The following ABCB9 variants were observed in gnomAD, a reference collection of about 807,000 sequenced individuals.
ABCB9 encodes ABC-type oligopeptide transporter ABCB9.
A neutral mutation model predicts 62.0 loss-of-function variants in ABCB9; 36 were observed. That is an observed-to-expected ratio of 0.58 (90% CI 0.45 to 0.77). The LOEUF (loss-of-function observed/expected upper bound fraction) is 0.77. Ranked by LOEUF, ABCB9 falls within the 30% of genes least tolerant of loss-of-function variation. The probability of loss-of-function intolerance (pLI) is 0.00; values close to 1 mark genes in which losing one functional copy is unlikely to be tolerated. For missense variants in ABCB9, 943 were observed against 1,054.7 expected (o/e 0.89, Z 1.47); for synonymous variants, 435 against 461.4 (o/e 0.94, Z 0.73).
upstream of ABCB9, among the ~76,000 whole-genome samples, chr12:122,969,690 C>T (rs2037248541): frequency 6.6e-6 from 1 of 151,074 alleles, no homozygotes; most frequent in Non-Finnish European, 1.5e-5. Context: ...TGAGCTGTGT[C>T]CATACCACTG....
rs2037065057 is a variant in ABCB9, at chr12:122,964,359, A to G, written c.-88+1928T>C. On this transcript the variant is annotated intron_variant, in intron 1 of 11. Transcript: ENST00000280560. The surrounding 1 kb of genome is among the most constrained non-coding windows in gnomAD (Gnocchi z 4.7). Reference sequence around the variant, plus strand: ...AATAAACAAAATTTCAAACACTCATATCGCAGACTACCAAAGCCACATTTT... The same window carrying G: ...AATAAACAAAATTTCAAACACTCATGTCGCAGACTACCAAAGCCACATTTT... Among the ~76,000 whole-genome samples the G allele has an allele frequency of 6.6e-6, 1 of 152,140 alleles. No homozygotes were observed. Among genetic ancestry groups the G allele is most frequent in the African/African-American group, 2.4e-5 (1 of 41,414 alleles).
chr12:122,962,360 T>C (rs1455086187), intron 1 of ABCB9, among the ~76,000 whole-genome samples: 1 of 152,126 alleles, frequency 6.6e-6, no homozygotes, highest in Non-Finnish European at 1.5e-5. Context: ...GGCTGGGCTC[T>C]AGATCCCCCA....
At chr12:122,925,470 C>T (rs988938833), downstream of ABCB9, among the ~76,000 whole-genome samples, 9 of 151,672 alleles carry the variant, frequency 5.9e-5, no homozygotes, top group South Asian at 2.1e-4. Flanking sequence ...AATGTTGGGC[C>T]GGGCGCGGTG....
At chr12:122,946,851 G>C (rs1168908254) in intron 5 of ABCB9, among the ~76,000 whole-genome samples, 1 of 152,242 alleles carries the variant, frequency 6.6e-6, no homozygotes, top group Non-Finnish European at 1.5e-5. Flanking sequence ...AGTCCTGGAA[G>C]AGGCCCCTGG....
chr12:122,933,177 C>A (rs2035280488), intron 10 of ABCB9, among the ~76,000 whole-genome samples: 1 of 152,208 alleles, frequency 6.6e-6, no homozygotes, highest in Non-Finnish European at 1.5e-5. Flanking sequence ...CAGACGTGAG[C>A]CACTGCACCT....
intron 1 of ABCB9, among the ~76,000 whole-genome samples, chr12:122,973,627 C>T (rs1285374847): frequency 1.4e-5 from 2 of 138,214 alleles, no homozygotes; most frequent in Non-Finnish European, 3.0e-5. Context: ...TTTGGGAGGC[C>T]GAGGCAGGGG....
chr12:122,962,488 C>T (rs978643609), intron 1 of ABCB9, among the ~76,000 whole-genome samples: 2 of 152,232 alleles, frequency 1.3e-5, no homozygotes, highest in African/African-American at 4.8e-5. Flanking sequence ...ACCGCTCACA[C>T]TGTGGCATGA....
In ABCB9 at chr12:122,946,185, G is replaced by C. The variant is rs1022178319; in HGVS notation, c.1091C>G (p.Ala364Gly). Residue 364 changes from alanine (A) to glycine (G), a missense_variant, in exon 6 of 12, where the codon GCG becomes GGG. Coordinates refer to ENST00000280560, the MANE Select transcript of ABCB9 (RefSeq NM_019625.4). Reference sequence around the variant, plus strand: ...GATGGTCTCCTCCGCCGTGTTGCTCGCTCTGGCCAGGGCATTCTGGACCTC... The same window carrying C: ...GATGGTCTCCTCCGCCGTGTTGCTCCCTCTGGCCAGGGCATTCTGGACCTC... ...SKEVQNALARASNTAEETISA... is the reference protein window; with the variant it reads ...SKEVQNALARGSNTAEETISA... 6 of 1,614,012 alleles carry C rather than the reference G, an allele frequency of 3.7e-6. No homozygotes were observed. The highest frequency in any genetic ancestry group is 5.1e-6 in the Non-Finnish European group (6 of 1,180,042).
intron 2 of ABCB9, among the ~76,000 whole-genome samples, chr12:122,958,031 G>T (rs778598653): frequency 6.6e-6 from 1 of 151,340 alleles, no homozygotes; most frequent in Non-Finnish European, 1.5e-5. Flanking sequence ...TTAGCCAGAC[G>T]TGGTGGCAGG....
At chr12:122,919,921 A>G (rs2034709686), downstream of ABCB9, among the ~76,000 whole-genome samples, 1 of 127,646 alleles carries the variant, frequency 7.8e-6, no homozygotes, top group Admixed American at 8.1e-5. Flanking sequence ...TTATTTATTT[A>G]TTTTAGATGG....
chr12:122,949,706 C>T, intron 4 of ABCB9, 82 bp downstream of exon 4: 2 of 1,562,716 alleles, frequency 1.3e-6, no homozygotes, highest in Non-Finnish European at 1.8e-6. Flanking sequence ...CACCCACACG[C>T]CCATTTCATT....
At chr12:122,973,145 T>G (rs1421253721) in intron 1 of ABCB9, 2 of 152,318 alleles carry the variant, frequency 1.3e-5, no homozygotes, top group Non-Finnish European at 2.9e-5. Context: ...CTTCGGTGAC[T>G]GAGCCCAGAG....
intron 10 of ABCB9, among the ~76,000 whole-genome samples, chr12:122,934,340 AC>A (rs1378047275): frequency 6.6e-6 from 1 of 151,930 alleles, no homozygotes; most frequent in Non-Finnish European, 1.5e-5. Flanking sequence ...CATCTCCCCA[AC>A]CCCCCTATAC....
chr12:122,946,162 T>C lies in ABCB9; in HGVS notation c.1114A>G (p.Ile372Val). 3 of 1,614,200 alleles carry C rather than the reference T, an allele frequency of 1.9e-6. No homozygotes were observed. Among genetic ancestry groups the C allele is most frequent in the Non-Finnish European group, 2.5e-6 (3 of 1,180,040 alleles). Residue 372 changes from isoleucine to valine, a missense_variant, in exon 6 of 12, where the codon ATC becomes GTC. Transcript: ENST00000280560. ...CTCCGGACAGTCTTCATGGCACTGA[T>C]GGTCTCCTCCGCCGTGTTGCTCGCT... ...ARASNTAEET[I>V]SAMKTVRSFA...
At chr12:122,948,492 G>T in intron 5 of ABCB9, 132 bp downstream of exon 5, 1 of 787,438 alleles carries the variant, frequency 1.3e-6, no homozygotes, top group Non-Finnish European at 1.9e-6. Context: ...GCGAAGAAAT[G>T]AATGAATGAA....
At chr12:122,931,318 C>T (rs1247638529) in intron 11 of ABCB9, 2 of 148,392 alleles carry the variant, frequency 1.3e-5, no homozygotes, top group Admixed American at 6.7e-5. Flanking sequence ...AACCACTGCG[C>T]CCAGCCTTTT....
At chr12:122,939,975 G>C in intron 9 of ABCB9, 136 bp downstream of exon 9, 1 of 1,158,666 alleles carries the variant, frequency 8.6e-7, no homozygotes. Flanking sequence ...TTCTCTAGGA[G>C]GGCATTGTAA....
intron 2 of ABCB9, chr12:122,952,535 C>G (rs1172072600): frequency 6.6e-6 from 1 of 152,184 alleles, no homozygotes; most frequent in Non-Finnish European, 1.5e-5. Flanking sequence ...GGCCTGTGTC[C>G]CCACAGTCCT....
At chr12:122,936,610 T>G (rs1044715005) in intron 9 of ABCB9, among the ~76,000 whole-genome samples, 4 of 151,044 alleles carry the variant, frequency 2.6e-5, no homozygotes, top group African/African-American at 9.7e-5. Context: ...TACAAAATAA[T>G]TAAAAATTGG....
Sources: gnomAD v4.1 joint callset for allele counts (sites outside exome capture counted in the v4.1 genomes callset) on GRCh38, gnomAD v4.1.1 for gene constraint, Gnocchi (gnomAD v3.1) non-coding constraint, MANE v1.5 for transcripts, NCBI Gene and HGNC (gene_info 2026-07-23, HGNC 2026-07-21) for gene names.